MAP4K2: variants seen among roughly 807,000 people sequenced by gnomAD.
The protein encoded by MAP4K2 is mitogen-activated protein kinase kinase kinase kinase 2.
Under a neutral mutation model 125.3 loss-of-function variants are expected in MAP4K2, and 85 were observed. The observed-to-expected ratio is 0.68, with a 90% CI of 0.57 to 0.81. MAP4K2 has a LOEUF of 0.81. Among genes scored for constraint, MAP4K2 ranks in the 40% least tolerant of loss-of-function variants. The pLI, the probability that MAP4K2 is intolerant of heterozygous loss-of-function variation, is 0.00. For synonymous variants in MAP4K2, 479 were observed against 445.1 expected (o/e 1.08, Z -0.96); for missense variants, 923 against 1,056.4 (o/e 0.87, Z 1.75).
intron 14 of MAP4K2, 92 bp from the exon 15 acceptor site, chr11:64,798,929 A>G: frequency 9.5e-7 from 1 of 1,056,948 alleles, no homozygotes; most frequent in South Asian, 1.5e-5. Flanking sequence ...AAAGACAGAC[A>G]GACAGACAGA....
intron 19 of MAP4K2, 39 bp downstream of exon 19, chr11:64,797,065 A>T: frequency 6.2e-7 from 1 of 1,614,036 alleles, no homozygotes; most frequent in East Asian, 2.2e-5. Flanking sequence ...TGACAGCTGT[A>T]GCCGCCCGTC....
chr11:64,801,019 C>T lies in MAP4K2; in HGVS notation c.543G>A (p.Glu181=), dbSNP rs922028673. 83 of 1,613,808 alleles carry T rather than the reference C, an allele frequency of 5.1e-5. No individual in the cohort carries two copies. Among genetic ancestry groups the T allele is most frequent in the Non-Finnish European group, 6.9e-5 (82 of 1,180,010 alleles). The change falls in exon 9 of 32, where the codon GAG becomes GAA. Residue 181 remains glutamate, a synonymous_variant. Coordinates refer to ENST00000294066, the MANE Select transcript of MAP4K2 (RefSeq NM_004579.5). The stretch of plus-strand genomic sequence containing the variant: ...CACCTTTGCGCTCCACAGCAGCCAC[C>T]TCGGGAGCCATCCTAGAGGTGGGGT... ...FIGTPYWMAP[E]VAAVERKGGY... is the part of the protein sequence containing the mutation.
In MAP4K2 at chr11:64,800,998, T is replaced by A. The variant is rs200727238; in HGVS notation, c.564A>T (p.Lys188Asn). ...CGTCACATAGCTCATTGTAGCCACC[T>A]TTGCGCTCCACAGCAGCCACCTCGG... ...MAPEVAAVER[K>N]GGYNELCDVW... Residue 188 changes from lysine to asparagine, a missense_variant, in exon 9 of 32, where the codon AAA (lysine) becomes AAT (asparagine). By Grantham distance (94) the Lys-to-Asn change is moderately conservative (BLOSUM62 0). Around this residue, in one of 2 missense-constraint regions of MAP4K2, gnomAD observed 833 missense variants for 911.4 expected, o/e 0.91. Coordinates refer to ENST00000294066, the MANE Select transcript of MAP4K2 (RefSeq NM_004579.5). 9.3e-6 allele frequency: 15 copies of A among 1,613,920 alleles called. No homozygotes were observed. The East Asian group carries it at 1.8e-4, about 19-fold the overall frequency.
Position 64,792,042 on chromosome 11 carries a change from C to T in MAP4K2, c.1959G>A (p.Pro653=), listed in dbSNP as rs201140448. The part of the protein sequence containing the change: ...PLPSPAGMLE[P]LVLDGKELPQ... ...GCAGCTCCTTCCCATCCAGCACCAG[C>T]GGCTCCAGCATCCCAGCTGGGCTGG... Residue 653 remains proline, a synonymous_variant, in exon 27 of 32, where the codon CCG becomes CCA. Transcript: ENST00000294066. 5.3e-5 allele frequency: 85 copies of T among 1,595,690 alleles called. No homozygotes were observed. The East Asian group carries it at 7.3e-4, about 14-fold the overall frequency.
chr11:64,800,851 C>T, intron 9 of MAP4K2, 25 bp from the exon 10 acceptor site: 2 of 1,613,662 alleles, frequency 1.2e-6, no homozygotes, highest in Non-Finnish European at 1.7e-6. Context: ...AGGTCAGGGG[C>T]CACAGGCCGC....
At position 64,797,194 on chromosome 11, in the gene MAP4K2, T is replaced by C. The variant is rs1486777029; in HGVS notation, c.1277-2A>G. 2 of 1,613,228 alleles carry C rather than the reference T, an allele frequency of 1.2e-6. No homozygotes were observed. The highest frequency in any genetic ancestry group is 1.1e-5 in the South Asian group (1 of 91,042). The stretch of plus-strand genomic sequence containing the variant: ...CTGAAGGAGGTGGGGGCAGGGTTCC[T>C]GCAGGCACAGGCGTGCTGTAATTTC... On this transcript the variant is annotated splice_acceptor_variant, in intron 18 of 31. Coordinates refer to ENST00000294066, the MANE Select transcript of MAP4K2 (RefSeq NM_004579.5). LOFTEE classifies it high-confidence loss of function.
At chr11:64,800,070 G>C in intron 12 of MAP4K2, 39 bp downstream of exon 12, 2 of 1,503,096 alleles carry the variant, frequency 1.3e-6, no homozygotes, top group Non-Finnish European at 1.8e-6. Flanking sequence ...TTTCTAAGCA[G>C]ACCAGCCCAA....
chr11:64,799,676 T>C lies in MAP4K2; in HGVS notation c.923A>G (p.Asp308Gly). 6.2e-7 allele frequency: 1 copy of C among 1,613,702 alleles called. No individual in the cohort carries two copies. Among genetic ancestry groups the C allele is most frequent in the Non-Finnish European group, 8.5e-7 (1 of 1,179,960 alleles). Residue 308 changes from aspartate to glycine, a missense_variant, in exon 13 of 32, where the codon GAC becomes GGC. Physicochemically the swap from Asp to Gly is moderately conservative, Grantham distance 94. This residue lies in a region of MAP4K2 where 833 missense variants were observed against 911.4 expected (regional missense o/e 0.91). Transcript: ENST00000294066. ...SPEDCELETYDMFPDTIHSRG... is the reference protein window; with the variant it reads ...SPEDCELETYGMFPDTIHSRG... ...GGAGTGAATGGTGTCTGGAAACATG[T>C]CATAGGTCTAAGGAAAAACAGAAAC...
At chr11:64,798,920 A>AAGAC (rs576962922) in intron 14 of MAP4K2, 83 bp from the exon 15 acceptor site, 35 of 1,179,598 alleles carry the variant, frequency 3.0e-5, no homozygotes, top group East Asian at 2.5e-4. Context: ...CAGGAAAGGA[A>AAGAC]AGACAGACAG....
At chr11:64,790,521 G>A in intron 27 of MAP4K2, 59 bp from the exon 28 acceptor site, 3 of 1,504,340 alleles carry the variant, frequency 2.0e-6, no homozygotes, top group Non-Finnish European at 2.8e-6. Flanking sequence ...AACCCCAAGA[G>A]GATACGGGGG....
intron 14 of MAP4K2, 141 bp from the exon 15 acceptor site, chr11:64,798,978 G>A (rs1940995956): frequency 1.4e-6 from 1 of 732,576 alleles, no homozygotes; most frequent in Non-Finnish European, 2.3e-6. Flanking sequence ...AGATGAGAGA[G>A]ACAGACAGTG....
intron 27 of MAP4K2, 124 bp from the exon 28 acceptor site, chr11:64,790,586 G>C: frequency 2.4e-6 from 2 of 835,638 alleles, no homozygotes; most frequent in Non-Finnish European, 3.9e-6. Context: ...CAACAGCCCT[G>C]TGGGGCTGGG....
chr11:64,797,627 T>C lies in MAP4K2; in HGVS notation c.1135A>G (p.Arg379Gly), dbSNP rs1940897264. The C allele has an allele frequency of 1.3e-6, 2 of 1,582,566 alleles. No homozygotes were observed. The highest frequency in any genetic ancestry group is 1.3e-5 in the African/African-American group (1 of 74,214). ...LQSVQEALEE[R>G]SLTIRSASEF... Reference sequence around the variant, plus strand: ...CTCCCCCAGGCCCACATCCCTCACCTTTCCTCCAGGGCCTCCTGGACCGAC... The same window carrying C: ...CTCCCCCAGGCCCACATCCCTCACCCTTCCTCCAGGGCCTCCTGGACCGAC... Residue 379 changes from arginine (R) to glycine (G), a missense_variant and splice_region_variant, in exon 16 of 32, where the codon AGG becomes GGG. Physicochemically the swap from Arg to Gly is moderately radical, Grantham distance 125 (BLOSUM62 -2). This residue lies in a region of MAP4K2 where 833 missense variants were observed against 911.4 expected (regional missense o/e 0.91). Coordinates refer to ENST00000294066, the MANE Select transcript of MAP4K2 (RefSeq NM_004579.5).
chr11:64,795,833 G>T (rs996970016), intron 24 of MAP4K2, among the ~76,000 whole-genome samples: 1 of 152,032 alleles, frequency 6.6e-6, no homozygotes, highest in Non-Finnish European at 1.5e-5. Flanking sequence ...ACCCAGCCCC[G>T]CTGTTTCTTG....
chr11:64,789,996 C>T (rs536745553), intron 29 of MAP4K2, 37 bp from the exon 30 acceptor site: 2 of 1,608,822 alleles, frequency 1.2e-6, no homozygotes, highest in East Asian at 2.2e-5. Context: ...CTGCACCCAT[C>T]TTGGCACCCC....
In MAP4K2 at chr11:64,786,500, A is replaced by G. The variant is rs1483587783; in HGVS notation, c.*3037T>C. On this transcript the variant is annotated 3_prime_UTR_variant, in exon 32 of 32. Transcript: ENST00000294066. ...GATCCTCCGCCGTCCCGAAGCACACATCATGGTGCTCCCCTTGACTTTCAC... is the reference window on the plus strand; with the variant it reads ...GATCCTCCGCCGTCCCGAAGCACACGTCATGGTGCTCCCCTTGACTTTCAC... 6.6e-6 allele frequency: 1 copy of G among 152,196 alleles called. No homozygotes were observed. Among genetic ancestry groups the G allele is most frequent in the Non-Finnish European group, 1.5e-5 (1 of 68,046 alleles). 9.4% of individuals were successfully genotyped at this position (152,196 alleles called of 1,614,324 possible).
Position 64,796,861 on chromosome 11 carries a change from G to T in MAP4K2, c.1440C>A (p.Gly480=), listed in dbSNP as rs746323839. The change falls in exon 21 of 32, where the codon GGC becomes GGA. Residue 480 remains glycine, a synonymous_variant. Coordinates refer to ENST00000294066, the MANE Select transcript of MAP4K2 (RefSeq NM_004579.5). ...CAGCAGCGTGGATCCGCAGGGGGCA[G>T]CCATTGAAGACCTTGGAGAAGCAGG... ...MGACFSKVFN[G]CPLRIHAAVT... is the part of the protein sequence containing the mutation. 1 of 1,613,762 alleles carries T rather than the reference G, an allele frequency of 6.2e-7. No individual in the cohort carries two copies.
At chr11:64,801,078 G>T in intron 8 of MAP4K2, 33 bp downstream of exon 8, 1 of 1,613,608 alleles carries the variant, frequency 6.2e-7, no homozygotes, top group South Asian at 1.1e-5. Context: ...CTGCTCTGTG[G>T]CCCCTACCCC....
chr11:64,795,297 T>C (rs1364463050), intron 24 of MAP4K2, among the ~76,000 whole-genome samples: 1 of 151,996 alleles, frequency 6.6e-6, no homozygotes, highest in Admixed American at 6.6e-5. Context: ...TTAGCCAGGC[T>C]GGTCGTAAAC....
Sources: gnomAD v4.1 joint callset for allele counts (sites outside exome capture counted in the v4.1 genomes callset) on GRCh38, gnomAD v4.1.1 for gene constraint, gnomAD v4.1.1 regional missense constraint, MANE v1.5 for transcripts, NCBI Gene and HGNC (gene_info 2026-07-23, HGNC 2026-07-21) for gene names.